PRKG1: variants seen among roughly 807,000 people sequenced by gnomAD.
The protein encoded by PRKG1 is protein kinase cGMP-dependent 1, also known as cGMP-dependent protein kinase 1.
In PRKG1, 35 loss-of-function variants were observed where a neutral mutation model predicts 88.1. That is an observed-to-expected ratio of 0.40 (90% CI 0.30 to 0.53). The LOEUF is 0.53. PRKG1 is among the 20% of genes least tolerant of loss of function. The pLI, the probability that PRKG1 is intolerant of heterozygous loss-of-function variation, is 0.59. For missense variants in PRKG1, 540 were observed against 839.8 expected, an observed-to-expected ratio of 0.64 and a Z score of 4.41; for synonymous variants, 303 against 292.5, an observed-to-expected ratio of 1.04 and a Z score of -0.37.
At chr10:51,023,395 A>T (rs371688000) in intron 1 of PRKG1, among the ~76,000 whole-genome samples, 12 of 152,204 alleles carry the variant, frequency 7.9e-5, no homozygotes, top group Admixed American at 2.6e-4. Context: ...GAGCATTGGG[A>T]AAGTCATGGC....
At chr10:52,162,407 A>T (rs1838300307) in intron 9 of PRKG1, among the ~76,000 whole-genome samples, 1 of 152,130 alleles carries the variant, frequency 6.6e-6, no homozygotes, top group Non-Finnish European at 1.5e-5. Context: ...GAGATGGTAA[A>T]TATCCCATTA....
intron 1 of PRKG1, among the ~76,000 whole-genome samples, chr10:51,018,153 A>T (rs1173663537): frequency 1.3e-5 from 2 of 152,126 alleles, no homozygotes; most frequent in Non-Finnish European, 2.9e-5. Context: ...AATTAATTTA[A>T]TCTTCCATAA....
chr10:51,189,771 A>G (rs1837584482), intron 2 of PRKG1, among the ~76,000 whole-genome samples: 1 of 151,984 alleles, frequency 6.6e-6, no homozygotes, highest in Non-Finnish European at 1.5e-5. Context: ...GAACAAGACT[A>G]ATTATATAAA....
chr10:51,810,709 T>TAA (rs113640887), intron 4 of PRKG1, among the ~76,000 whole-genome samples: 12 of 152,114 alleles, frequency 7.9e-5, no homozygotes, highest in African/African-American at 2.9e-4. Flanking sequence ...GATTTTCCCT[T>TAA]AAAAAAATAT....
At chr10:51,693,306 A>G (rs1202728961) in intron 3 of PRKG1, among the ~76,000 whole-genome samples, 1 of 149,890 alleles carries the variant, frequency 6.7e-6, no homozygotes, top group Non-Finnish European at 1.5e-5. Context: ...AAAAAAAAAA[A>G]GCTGTTATTT....
chr10:51,913,012 T>C (rs1226555646), intron 5 of PRKG1, among the ~76,000 whole-genome samples: 1 of 152,182 alleles, frequency 6.6e-6, no homozygotes, highest in African/African-American at 2.4e-5. Flanking sequence ...CACTGCAACC[T>C]TCATCGCCCC....
At chr10:52,245,780 T>TATTA (rs1002223111) in intron 9 of PRKG1, among the ~76,000 whole-genome samples, 3 of 149,076 alleles carry the variant, frequency 2.0e-5, no homozygotes, top group African/African-American at 7.5e-5. Flanking sequence ...TTTATTTATT[T>TATTA]ATTTATTTAT....
At chr10:51,248,020 G>A (rs1481548849) in intron 2 of PRKG1, among the ~76,000 whole-genome samples, 1 of 151,936 alleles carries the variant, frequency 6.6e-6, no homozygotes, top group Non-Finnish European at 1.5e-5. Flanking sequence ...TAAAGGTAAC[G>A]GCAAAGTGGT....
At chr10:51,483,565 TTTCCACAA>T (rs1186207002) in intron 3 of PRKG1, among the ~76,000 whole-genome samples, 2 of 152,204 alleles carry the variant, frequency 1.3e-5, no homozygotes, top group Non-Finnish European at 2.9e-5. Context: ...AATTAACTTT[TTTCCACAA>T]TTCCACTTTC....
intron 3 of PRKG1, among the ~76,000 whole-genome samples, chr10:51,730,209 T>C (rs1842239927): frequency 6.6e-6 from 1 of 152,126 alleles, no homozygotes; most frequent in South Asian, 2.1e-4. Flanking sequence ...GGATGTGCCC[T>C]CAGGCGAGGG....
chr10:51,532,671 T>G (rs903968061), intron 3 of PRKG1, among the ~76,000 whole-genome samples: 3 of 152,184 alleles, frequency 2.0e-5, no homozygotes, highest in African/African-American at 7.2e-5. Context: ...AGAAGTAGCA[T>G]CCAGTAGTTG....
Position 52,088,062 on chromosome 10 carries a change from ATG to A in PRKG1, c.935+25434_935+25435del, listed in dbSNP as rs1846960493. ...CACCCTACCTAGGGAAAGTCAGAAA[ATG>A]TGCCATAAGTGTTTCACATCCTGCT... On this transcript the variant is annotated intron_variant, in intron 7 of 17. Coordinates refer to ENST00000373980, the MANE Select transcript of PRKG1 (RefSeq NM_006258.4). Among the ~76,000 whole-genome samples the A allele has an allele frequency of 2.6e-5, 4 of 152,262 alleles. No homozygotes were observed. The South Asian group carries it at 8.3e-4, about 32-fold the overall frequency.
intron 5 of PRKG1, among the ~76,000 whole-genome samples, chr10:51,963,582 AC>A (rs1843497613): frequency 6.6e-6 from 1 of 151,786 alleles, no homozygotes; most frequent in African/African-American, 2.4e-5. Context: ...TGCCTCAGCC[AC>A]CCGAGTAGCT....
chr10:51,440,509 A>G (rs967171525), intron 2 of PRKG1, among the ~76,000 whole-genome samples: 33 of 151,948 alleles, frequency 2.2e-4, no homozygotes, highest in Admixed American at 1.5e-3. Context: ...ATTTCAAGAG[A>G]CTACATGAGC....
chr10:51,299,056 T>A (rs2132235424), intron 2 of PRKG1, among the ~76,000 whole-genome samples: 1 of 152,344 alleles, frequency 6.6e-6, no homozygotes, highest in Middle Eastern at 3.4e-3. Context: ...TTTTCACTCA[T>A]GCCTTTAAAT....
At chr10:52,091,163 C>T (rs565033399) in intron 7 of PRKG1, among the ~76,000 whole-genome samples, 233 of 152,274 alleles carry the variant, frequency 1.5e-3, no homozygotes, top group Admixed American at 2.9e-3. Context: ...CTTTTAAGGT[C>T]ATTCCGGTTG....
intron 5 of PRKG1, among the ~76,000 whole-genome samples, chr10:52,013,130 T>G (rs1844939184): frequency 6.6e-6 from 1 of 151,930 alleles, no homozygotes; most frequent in East Asian, 1.9e-4. Flanking sequence ...AGAAAGATGG[T>G]TGGGAGGGCC....
At chr10:51,974,696 C>T (rs1843786448) in intron 5 of PRKG1, among the ~76,000 whole-genome samples, 2 of 152,150 alleles carry the variant, frequency 1.3e-5, no homozygotes, top group African/African-American at 4.8e-5. Context: ...ACCTTAACTT[C>T]TCCAGAAATT....
rs921688452 is a variant in PRKG1 at position 52,297,716 on chromosome 10, C to A, written c.*3816C>A. 2.6e-5 allele frequency: 4 copies of A among 152,114 alleles called. No homozygotes were observed. The highest frequency in any genetic ancestry group is 9.7e-5 in the African/African-American group (4 of 41,434). 9.4% of individuals were successfully genotyped at this position (152,114 alleles called of 1,614,324 possible). On this transcript the variant is annotated 3_prime_UTR_variant, in exon 18 of 18. Transcript: ENST00000373980. ...TTCTGTAAAAATAAATTAGTGCAGTCAAGTTCTAACATATCTCATTTTATA... is the reference window on the plus strand; with the variant it reads ...TTCTGTAAAAATAAATTAGTGCAGTAAAGTTCTAACATATCTCATTTTATA...
Sources: gnomAD v4.1 joint callset for allele counts (sites outside exome capture counted in the v4.1 genomes callset) on GRCh38, gnomAD v4.1.1 for gene constraint, MANE v1.5 for transcripts, NCBI Gene and HGNC (gene_info 2026-07-23, HGNC 2026-07-21) for gene names.